TLN2: variants seen among roughly 807,000 people sequenced by gnomAD.
The protein encoded by TLN2 is talin-2.
In TLN2, 118 loss-of-function variants were observed where a neutral mutation model predicts 294.7. The ratio of observed to expected loss-of-function variants is 0.40; its 90% CI spans 0.34 to 0.47. TLN2 has a LOEUF of 0.47. Ranked by LOEUF, TLN2 falls within the 20% of genes least tolerant of loss-of-function variation. The probability of loss-of-function intolerance (pLI) is 0.84; values close to 1 mark genes in which losing one functional copy is unlikely to be tolerated. For synonymous variants in TLN2, 1,431 were observed against 1,304.5 expected, an observed-to-expected ratio of 1.10 and a Z score of -2.09; for missense variants, 3,083 against 3,282.2, an observed-to-expected ratio of 0.94 and a Z score of 1.48.
chr15:62,613,427 ACACATAGAGCT>A, intron 2 of TLN2, among the ~76,000 whole-genome samples: 1 of 152,316 alleles, frequency 6.6e-6, no homozygotes, highest in East Asian at 1.9e-4. Context: ...CCTACAAAAC[ACACATAGAGCT>A]CGTGTGGAGT....
intron 31 of TLN2, 55 bp from the exon 32 acceptor site, chr15:62,740,575 C>A: frequency 6.2e-7 from 1 of 1,606,568 alleles, no homozygotes. Context: ...TCTCTGAATG[C>A]CTCCTTCAAG....
chr15:62,463,538 A>G (rs961801913), intron 1 of TLN2, among the ~76,000 whole-genome samples: 1 of 152,174 alleles, frequency 6.6e-6, no homozygotes, highest in African/African-American at 2.4e-5. Flanking sequence ...AGAAATGTAA[A>G]TGAAAACCAC....
intron 3 of TLN2, among the ~76,000 whole-genome samples, chr15:62,639,852 T>G (rs1176065951): frequency 6.6e-6 from 1 of 152,160 alleles, no homozygotes; most frequent in Non-Finnish European, 1.5e-5. Context: ...GAAATGTGGC[T>G]CCTTGGTAAA....
intron 26 of TLN2, among the ~76,000 whole-genome samples, chr15:62,723,656 C>T (rs577963628): frequency 2.0e-5 from 3 of 151,046 alleles, no homozygotes; most frequent in African/African-American, 4.9e-5. Context: ...CAGTCTCCCA[C>T]CTCAGCCACT....
chr15:62,585,445 C>T (rs985065232), intron 1 of TLN2, among the ~76,000 whole-genome samples: 4 of 152,146 alleles, frequency 2.6e-5, no homozygotes, highest in Non-Finnish European at 4.4e-5. Context: ...TCTGCTCTTA[C>T]GATGAGCAAC....
chr15:62,484,628 T>C (rs929622968), intron 1 of TLN2, among the ~76,000 whole-genome samples: 2 of 152,060 alleles, frequency 1.3e-5, no homozygotes, highest in Non-Finnish European at 2.9e-5. Context: ...GGTTTCACCA[T>C]GTTGGCCAGG....
intron 1 of TLN2, among the ~76,000 whole-genome samples, chr15:62,470,158 T>A (rs1253587959): frequency 2.6e-5 from 4 of 152,194 alleles, no homozygotes; most frequent in Non-Finnish European, 5.9e-5. Context: ...AGACTGCACA[T>A]AAGTGGGATC....
chr15:62,776,346 C>G (rs778610844), intron 42 of TLN2, among the ~76,000 whole-genome samples: 2 of 152,108 alleles, frequency 1.3e-5, no homozygotes, highest in Non-Finnish European at 2.9e-5. Flanking sequence ...CCAGTCTTAT[C>G]TTTAGACGGG....
chr15:62,566,115 C>T (rs1337092018), intron 1 of TLN2, among the ~76,000 whole-genome samples: 2 of 151,998 alleles, frequency 1.3e-5, no homozygotes, highest in Admixed American at 6.6e-5. Context: ...TAAAGCATGG[C>T]AAATGTTCCA....
chr15:62,519,267 A>C (rs1490917909), intron 1 of TLN2, among the ~76,000 whole-genome samples: 1 of 152,222 alleles, frequency 6.6e-6, no homozygotes, highest in Non-Finnish European at 1.5e-5. Context: ...TGGCCGTCTC[A>C]GTACCTTTGG....
chr15:62,451,530 G>T (rs972088065), intron 1 of TLN2, among the ~76,000 whole-genome samples: 16 of 152,220 alleles, frequency 1.1e-4, no homozygotes, highest in African/African-American at 3.4e-4. Context: ...GGTGGTGCGT[G>T]CCTGTAGTCC....
At chr15:62,835,856 G>C in intron 56 of TLN2, 35 bp from the exon 57 acceptor site, 2 of 1,614,194 alleles carry the variant, frequency 1.2e-6, no homozygotes, top group Non-Finnish European at 1.7e-6. Flanking sequence ...AGGGAGGTTT[G>C]GGCCTTGGGT....
At chr15:62,592,397 C>T (rs578099093) in intron 2 of TLN2, among the ~76,000 whole-genome samples, 17 of 152,170 alleles carry the variant, frequency 1.1e-4, no homozygotes, top group Non-Finnish European at 1.6e-4. Context: ...TGTCAACTCT[C>T]GGTTTGCTGC....
chr15:62,839,726 G>T (rs948338397), intron 58 of TLN2, among the ~76,000 whole-genome samples: 1 of 152,152 alleles, frequency 6.6e-6, no homozygotes, highest in Non-Finnish European at 1.5e-5. Flanking sequence ...CCTGAACCAC[G>T]CCCTGTGTTT....
chr15:62,840,565 G>A lies in TLN2; in HGVS notation c.7584G>A (p.Gln2528=), dbSNP rs746343451. The A allele has an allele frequency of 1.2e-5, 20 of 1,614,174 alleles. No homozygotes were observed. Among genetic ancestry groups the A allele is most frequent in the South Asian group, 6.6e-5 (6 of 91,080 alleles). ...ARKKLAQIRQ[Q]QYKFLPTELR... is the part of the protein sequence containing the mutation. ...AAAAACTGGCCCAAATCCGCCAGCA[G>A]CAGTATAAGTTTTTACCCACCGAGC... is the stretch of plus-strand genomic sequence containing the variant. The change falls in exon 59 of 59, where the codon CAG becomes CAA. Residue 2528 remains glutamine, a synonymous_variant. Transcript: ENST00000636159.
chr15:62,600,358 G>A (rs1020680830), intron 2 of TLN2, among the ~76,000 whole-genome samples: 2 of 152,232 alleles, frequency 1.3e-5, no homozygotes. Context: ...AAAATTGTTC[G>A]TGAATACCCC....
At chr15:62,634,818 A>G (rs542560330) in intron 3 of TLN2, among the ~76,000 whole-genome samples, 1 of 152,264 alleles carries the variant, frequency 6.6e-6, no homozygotes, top group Non-Finnish European at 1.5e-5. Context: ...GCTGCTCACC[A>G]TGCACATCCA....
In TLN2 at chr15:62,400,920, G is replaced by A. The variant is rs548810671; in HGVS notation, c.-238+10235G>A. 1.5e-3 allele frequency among the ~76,000 whole-genome samples: 225 copies of A among 148,644 alleles called. 1 individual carries two copies. Among genetic ancestry groups the A allele is most frequent in the Non-Finnish European group, 1.9e-3 (131 of 67,426 alleles). On this transcript the variant is annotated intron_variant, in intron 1 of 58. Transcript: ENST00000636159. ...AGCCTCTGCTTCCTGGGTTCAAGCC[G>A]TTGTCCTGCCTTAGCCACCCAAGTA... is the stretch of plus-strand genomic sequence containing the variant.
At chr15:62,815,150 A>G (rs796920520) in intron 52 of TLN2, among the ~76,000 whole-genome samples, 3 of 151,754 alleles carry the variant, frequency 2.0e-5, no homozygotes, top group African/African-American at 7.3e-5. Context: ...AAAAGCAATT[A>G]AAAACTGGAG....
Sources: allele counts gnomAD v4.1 joint callset (sites outside exome capture counted in the v4.1 genomes callset), GRCh38; gene constraint gnomAD v4.1.1; transcripts MANE v1.5; gene names NCBI Gene and HGNC (gene_info 2026-07-23, HGNC 2026-07-21).